The following CD200R1L variants were observed in gnomAD, a reference collection of about 807,000 sequenced individuals.
CD200R1L encodes cell surface glycoprotein CD200 receptor 2.
CD200R1L carries 14 observed loss-of-function variants against 24.8 expected under a neutral mutation model. The ratio of observed to expected loss-of-function variants is 0.56; its 90% CI spans 0.37 to 0.88. The LOEUF (loss-of-function observed/expected upper bound fraction) is 0.88. Ranked by LOEUF, CD200R1L falls within the 40% of genes least tolerant of loss-of-function variation. CD200R1L has a pLI of 0.00. For synonymous variants in CD200R1L, 111 were observed against 109.2 expected, an observed-to-expected ratio of 1.02 and a Z score of -0.11; for missense variants, 299 against 297.8, an observed-to-expected ratio of 1.00 and a Z score of -0.03.
At chr3:112,829,581 T>C in intron 3 of CD200R1L, 197 bp from the exon 4 acceptor site, 1 of 905,536 alleles carries the variant, frequency 1.1e-6, no homozygotes, top group Non-Finnish European at 1.3e-6. Context: ...TTGAAAATTA[T>C]ACTTATAAGC....
At position 112,831,785 on chromosome 3, in the gene CD200R1L, G is replaced by A. The variant is rs575023929; in HGVS notation, c.-17-2401C>T. Among the ~76,000 whole-genome samples, 19 of 152,238 alleles carry A rather than the reference G, an allele frequency of 1.2e-4. No homozygotes were observed. The East Asian group carries it at 2.3e-3, about 19-fold the overall frequency. On this transcript the variant is annotated intron_variant, in intron 3 of 7. Transcript: ENST00000488794. ...ATTGCCCTGCCAACACCTTGATCTC[G>A]GAGTTTTAGTTTCTAGAACTGTAAC...
At chr3:112,822,296 C>A (rs1938554104) in intron 6 of CD200R1L, among the ~76,000 whole-genome samples, 1 of 152,186 alleles carries the variant, frequency 6.6e-6, no homozygotes, top group Middle Eastern at 3.4e-3. Context: ...TGGCTGGGAG[C>A]CTGAAGACAG....
chr3:112,826,615 G>A (rs1454564163), intron 6 of CD200R1L, among the ~76,000 whole-genome samples: 2 of 152,146 alleles, frequency 1.3e-5, no homozygotes, highest in Non-Finnish European at 2.9e-5. Flanking sequence ...TGGATGATGA[G>A]ACGGGAAGAA....
At chr3:112,834,689 C>G (rs745650412) in intron 3 of CD200R1L, among the ~76,000 whole-genome samples, 2 of 152,240 alleles carry the variant, frequency 1.3e-5, no homozygotes, top group Non-Finnish European at 2.9e-5. Context: ...GCAGGCAGCA[C>G]TTGGCTGGTG....
In CD200R1L at chr3:112,835,164, A is replaced by T. The variant is rs531811414; in HGVS notation, c.-18+2778T>A. Among the ~76,000 whole-genome samples, 3 of 152,300 alleles carry T rather than the reference A, an allele frequency of 2.0e-5. No individual in the cohort carries two copies. In the South Asian group the frequency reaches 6.2e-4, roughly 32 times the overall value. On this transcript the variant is annotated intron_variant, in intron 3 of 7. Coordinates refer to ENST00000488794, the MANE Select transcript of CD200R1L (RefSeq NM_001199215.3). ...ACCAGGAAGAATGAGGTATGCAGAC[A>T]AGTGGAGGGCGAGCAAGGTTAAGAG...
At chr3:112,836,190 G>C (rs886824527) in intron 3 of CD200R1L, among the ~76,000 whole-genome samples, 3 of 152,202 alleles carry the variant, frequency 2.0e-5, no homozygotes, top group Non-Finnish European at 2.9e-5. Context: ...AGTGCGGTCA[G>C]CTGCCTCGCA....
intron 3 of CD200R1L, among the ~76,000 whole-genome samples, chr3:112,833,738 C>T (rs1938866909): frequency 6.6e-6 from 1 of 152,114 alleles, no homozygotes; most frequent in African/African-American, 2.4e-5. Context: ...CACATCTAAG[C>T]CCTCCCTGTG....
At chr3:112,822,931 C>G (rs1938572006) in intron 6 of CD200R1L, among the ~76,000 whole-genome samples, 2 of 152,196 alleles carry the variant, frequency 1.3e-5, no homozygotes, top group Non-Finnish European at 2.9e-5. Flanking sequence ...AACTGTTGAT[C>G]TTCATTATTG....
At chr3:112,841,092 A>G (rs1370637300) in intron 2 of CD200R1L, among the ~76,000 whole-genome samples, 1 of 152,122 alleles carries the variant, frequency 6.6e-6, no homozygotes, top group Non-Finnish European at 1.5e-5. Flanking sequence ...CTCCCCACCC[A>G]ATCTCATTGT....
intron 2 of CD200R1L, among the ~76,000 whole-genome samples, chr3:112,840,274 G>C (rs564718656): frequency 6.6e-6 from 1 of 152,288 alleles, no homozygotes; most frequent in South Asian, 2.1e-4. Context: ...GTTGGCTCAT[G>C]GTTCTTCAGG....
chr3:112,819,675 G>C, intron 7 of CD200R1L, 97 bp downstream of exon 7: 1 of 1,308,390 alleles, frequency 7.6e-7, no homozygotes, highest in Non-Finnish European at 1.0e-6. Context: ...TACCAAAAAA[G>C]TGTCAAGCTT....
At chr3:112,844,398 G>C (rs940026125) in intron 2 of CD200R1L, among the ~76,000 whole-genome samples, 18 of 152,252 alleles carry the variant, frequency 1.2e-4, no homozygotes, top group Non-Finnish European at 2.1e-4. Context: ...GCATGTCTCT[G>C]AAAACTATAC....
In CD200R1L at chr3:112,827,372, A is replaced by G. The variant is rs746863805; in HGVS notation, c.362T>C (p.Val121Ala). 6.2e-7 allele frequency: 1 copy of G among 1,613,184 alleles called. No individual in the cohort carries two copies. The highest frequency in any genetic ancestry group is 1.7e-5 in the Admixed American group (1 of 59,976). ...GNFHRGYHLQ[V>A]LVTPEVNLFQ... ...CAGTATGTGATGCTCCTTACCTAACACTTGGAGGTGATATCCACGATGGAA... is the reference window on the plus strand; with the variant it reads ...CAGTATGTGATGCTCCTTACCTAACGCTTGGAGGTGATATCCACGATGGAA... Residue 121 changes from valine to alanine, a missense_variant, in exon 5 of 8, where the codon GTG becomes GCG. Val to Ala is a moderately conservative substitution (Grantham distance 64, BLOSUM62 0). Coordinates refer to ENST00000488794, the MANE Select transcript of CD200R1L (RefSeq NM_001199215.3).
At chr3:112,838,452 T>A (rs9834599) in intron 2 of CD200R1L, among the ~76,000 whole-genome samples, 47,402 of 148,416 alleles carry the variant, frequency 0.32, 8,499 homozygotes, top group Non-Finnish European at 0.4. Flanking sequence ...CTGTTTCAAA[T>A]GCATGGCTGA....
intron 2 of CD200R1L, chr3:112,841,366 A>T (rs1336572505): frequency 1.0e-5 from 4 of 399,654 alleles, no homozygotes; most frequent in African/African-American, 2.1e-5. Flanking sequence ...TGAGCCAATT[A>T]AACCTCTTTT....
intron 3 of CD200R1L, among the ~76,000 whole-genome samples, chr3:112,835,370 T>G (rs1938913338): frequency 6.6e-6 from 1 of 152,132 alleles, no homozygotes; most frequent in Admixed American, 6.5e-5. Flanking sequence ...GGAAACCCTA[T>G]AGTGGGCAGG....
intron 6 of CD200R1L, among the ~76,000 whole-genome samples, chr3:112,823,574 A>AAG (rs1225206574): frequency 3.0e-4 from 45 of 152,100 alleles, no homozygotes; most frequent in Middle Eastern, 3.4e-3. Context: ...ATTTGGTGTC[A>AAG]GAAGCATTGT....
At chr3:112,829,907 T>A (rs755554112) in intron 3 of CD200R1L, among the ~76,000 whole-genome samples, 1 of 152,168 alleles carries the variant, frequency 6.6e-6, no homozygotes, top group Non-Finnish European at 1.5e-5. Flanking sequence ...AATGTGCCTA[T>A]CATAAGGTCA....
chr3:112,837,632 C>T (rs1415229988), intron 3 of CD200R1L, among the ~76,000 whole-genome samples: 1 of 152,190 alleles, frequency 6.6e-6, no homozygotes, highest in Non-Finnish European at 1.5e-5. Flanking sequence ...TTGTAGTGCT[C>T]CTCTCATTCT....
Sources: allele counts gnomAD v4.1 joint callset (sites outside exome capture counted in the v4.1 genomes callset), GRCh38; gene constraint gnomAD v4.1.1; transcripts MANE v1.5; gene names NCBI Gene and HGNC (gene_info 2026-07-23, HGNC 2026-07-21).